Variants in ERBB4 observed in about 807,000 individuals in gnomAD.
ERBB4 encodes erb-b2 receptor tyrosine kinase 4.
In ERBB4, 42 loss-of-function variants were observed where a neutral mutation model predicts 158.0. That is an observed-to-expected ratio of 0.27 (90% CI 0.21 to 0.34). The LOEUF is 0.34. Among genes scored for constraint, ERBB4 ranks in the 10% least tolerant of loss-of-function variants. The pLI is 1.00. For missense variants in ERBB4, 1,333 were observed against 1,624.1 expected, an observed-to-expected ratio of 0.82 and a Z score of 3.08; for synonymous variants, 583 against 558.7, an observed-to-expected ratio of 1.04 and a Z score of -0.61.
chr2:212,365,395 A>C (rs1490892763), intron 1 of ERBB4, among the ~76,000 whole-genome samples: 1 of 151,434 alleles, frequency 6.6e-6, no homozygotes, highest in Non-Finnish European at 1.5e-5. Context: ...AATATGAAGC[A>C]AGTAAAGAAA....
chr2:211,706,710 G>C (rs968401400), intron 9 of ERBB4, among the ~76,000 whole-genome samples: 1 of 152,002 alleles, frequency 6.6e-6, no homozygotes, highest in Admixed American at 6.6e-5. Context: ...CTTTATACTA[G>C]GCTCAAATAC....
rs941174598 is a variant in ERBB4, at chr2:211,923,402, T to C, written c.421+24028A>G. On this transcript the variant is annotated intron_variant, in intron 3 of 27. Coordinates refer to ENST00000342788, the MANE Select transcript of ERBB4 (RefSeq NM_005235.3). ...ATGTTAAGATGAAATTGAATGAATA[T>C]GGGAAAATGATGACCAAATGTGCAG... 4.6e-5 allele frequency among the ~76,000 whole-genome samples: 7 copies of C among 152,118 alleles called. 1 individual carries two copies. The highest frequency in any genetic ancestry group is 8.8e-5 in the Non-Finnish European group (6 of 68,030).
intron 1 of ERBB4, among the ~76,000 whole-genome samples, chr2:212,393,006 A>G (rs1168775198): frequency 3.3e-5 from 5 of 152,004 alleles, no homozygotes; most frequent in African/African-American, 1.2e-4. Flanking sequence ...GCAGTAAGAT[A>G]ACCAGGGGAA....
chr2:211,989,853 C>T (rs112849262), intron 2 of ERBB4, among the ~76,000 whole-genome samples: 218 of 152,030 alleles, frequency 1.4e-3, no homozygotes, highest in African/African-American at 4.8e-3. Flanking sequence ...ACTTGAATGC[C>T]TTCCTCAGGA....
intron 1 of ERBB4, among the ~76,000 whole-genome samples, chr2:212,463,109 T>C (rs1372097282): frequency 2.6e-5 from 4 of 152,054 alleles, no homozygotes; most frequent in Admixed American, 6.5e-5. Flanking sequence ...GAGAGGATCA[T>C]GGAAGGAGGT....
chr2:212,243,017 TG>T (rs2084171717), intron 1 of ERBB4, among the ~76,000 whole-genome samples: 1 of 152,136 alleles, frequency 6.6e-6, no homozygotes, highest in Non-Finnish European at 1.5e-5. Flanking sequence ...CACCTCTCAT[TG>T]TCTCTTCCAG....
chr2:211,812,192 G>T (rs1379169795), intron 3 of ERBB4, among the ~76,000 whole-genome samples: 3 of 152,186 alleles, frequency 2.0e-5, no homozygotes, highest in Admixed American at 6.5e-5. Context: ...TGATGATGGT[G>T]ACTTACAGAT....
At chr2:212,179,562 G>A (rs769874967) in intron 1 of ERBB4, among the ~76,000 whole-genome samples, 4 of 151,576 alleles carry the variant, frequency 2.6e-5, no homozygotes, top group Non-Finnish European at 4.4e-5. Context: ...GTTGTTGGGT[G>A]TGAGAATTAG....
intron 5 of ERBB4, among the ~76,000 whole-genome samples, chr2:211,749,380 T>G (rs2075063471): frequency 1.3e-5 from 2 of 152,172 alleles, no homozygotes; most frequent in African/African-American, 2.4e-5. Flanking sequence ...ATGCTAATAT[T>G]TGAATGAAAA....
intron 2 of ERBB4, among the ~76,000 whole-genome samples, chr2:212,096,492 T>C (rs1521547): frequency 0.85 from 128,627 of 152,110 alleles, 56,043 homozygotes; most frequent in East Asian, 1. Flanking sequence ...GAAAACAAAG[T>C]TTAAAGGACC....
chr2:212,056,708 C>G lies in ERBB4; in HGVS notation c.234+68044G>C, dbSNP rs146646701. 2.7e-3 allele frequency among the ~76,000 whole-genome samples: 411 copies of G among 152,232 alleles called. 5 individuals carry two copies. Among genetic ancestry groups the G allele is most frequent in the African/African-American group, 9.4e-3 (392 of 41,530 alleles). ...TCCTAAGTGAAGGAGAAATAAAGAC[C>G]TTTATAGACAAGCAAATGCTGAGAG... is the stretch of plus-strand genomic sequence containing the variant. On this transcript the variant is annotated intron_variant, in intron 2 of 27. Coordinates refer to ENST00000342788, the MANE Select transcript of ERBB4 (RefSeq NM_005235.3).
Position 211,447,708 on chromosome 2 carries a change from C to T in ERBB4, c.2488-16608G>A, listed in dbSNP as rs546022996. 1.3e-4 allele frequency among the ~76,000 whole-genome samples: 20 copies of T among 152,178 alleles called. No homozygotes were observed. The East Asian group carries it at 3.7e-3, about 28-fold the overall frequency. On this transcript the variant is annotated intron_variant, in intron 20 of 27. Coordinates refer to ENST00000342788, the MANE Select transcript of ERBB4 (RefSeq NM_005235.3). ...AGCAGACTTATTTTTGACTTCTGACCAAATTTAGTTCCTCTTTCTGCATAT... is the reference window on the plus strand; with the variant it reads ...AGCAGACTTATTTTTGACTTCTGACTAAATTTAGTTCCTCTTTCTGCATAT...
intron 3 of ERBB4, among the ~76,000 whole-genome samples, chr2:211,946,065 C>G (rs2080680703): frequency 6.7e-6 from 1 of 149,398 alleles, no homozygotes; most frequent in South Asian, 2.3e-4. Context: ...ATATAAGTAG[C>G]AATTTAGTAA....
chr2:212,197,404 G>A (rs936298576), intron 1 of ERBB4, among the ~76,000 whole-genome samples: 1 of 152,012 alleles, frequency 6.6e-6, no homozygotes, highest in Admixed American at 6.6e-5. Context: ...TAGAATTGTG[G>A]GTAAATGATT....
chr2:212,214,382 C>T (rs1012339268), intron 1 of ERBB4, among the ~76,000 whole-genome samples: 2 of 151,734 alleles, frequency 1.3e-5, no homozygotes, highest in Non-Finnish European at 2.9e-5. Flanking sequence ...CTAATGGCTA[C>T]TGTATTGGAT....
At chr2:212,523,615 T>C (rs542931380) in intron 1 of ERBB4, among the ~76,000 whole-genome samples, 2 of 151,988 alleles carry the variant, frequency 1.3e-5, no homozygotes, top group South Asian at 4.2e-4. Context: ...GAAGAGCAGG[T>C]AGGATGATGA....
chr2:211,468,987 G>A (rs2064767443), intron 20 of ERBB4, among the ~76,000 whole-genome samples: 2 of 151,874 alleles, frequency 1.3e-5, no homozygotes, highest in Admixed American at 1.3e-4. Context: ...AAGTTGTCTG[G>A]TAGAGATGAG....
intron 3 of ERBB4, among the ~76,000 whole-genome samples, chr2:211,880,383 T>C (rs948789748): frequency 3.3e-5 from 5 of 152,182 alleles, no homozygotes; most frequent in African/African-American, 1.2e-4. Flanking sequence ...CCTCCAAATA[T>C]TTCAATGACA....
chr2:211,405,407 T>TC (rs2063126892), intron 25 of ERBB4, among the ~76,000 whole-genome samples: 1 of 152,146 alleles, frequency 6.6e-6, no homozygotes, highest in South Asian at 2.1e-4. Flanking sequence ...CAAATGTACT[T>TC]CTTCTTGCCT....
Sources: gnomAD v4.1 joint callset for allele counts (sites outside exome capture counted in the v4.1 genomes callset) on GRCh38, gnomAD v4.1.1 for gene constraint, MANE v1.5 for transcripts, NCBI Gene and HGNC (gene_info 2026-07-23, HGNC 2026-07-21) for gene names.